The following MUSK variants were observed in gnomAD, a reference collection of about 807,000 sequenced individuals.
MUSK encodes the protein muscle, skeletal receptor tyrosine-protein kinase.
MUSK carries 55 observed loss-of-function variants against 88.7 expected under a neutral mutation model. The ratio of observed to expected loss-of-function variants is 0.62; its 90% CI spans 0.50 to 0.78. MUSK has a LOEUF of 0.78. MUSK is among the 30% of genes least tolerant of loss of function. The pLI, the probability that MUSK is intolerant of heterozygous loss-of-function variation, is 0.00. For synonymous variants in MUSK, 387 were observed against 391.9 expected (o/e 0.99, Z 0.15); for missense variants, 1,015 against 1,074.3 (o/e 0.94, Z 0.77).
Position 110,723,234 on chromosome 9 carries a change from T to TACACACACACACACAC in MUSK, c.629-11003_629-10988dup, listed in dbSNP as rs143582345. Among the ~76,000 whole-genome samples the TACACACACACACACAC allele has an allele frequency of 7.0e-3, 1,024 of 146,724 alleles. 4 individuals carry two copies. Among genetic ancestry groups the TACACACACACACACAC allele is most frequent in the Non-Finnish European group, 0.01 (701 of 66,772 alleles). On this transcript the variant is annotated intron_variant, in intron 5 of 14. Transcript: ENST00000374448. ...ACCATGGAATACTACTACATATACA[T>TACACACACACACACAC]ACACACACACACACACACACACACA...
At chr9:110,715,286 A>G (rs1158914418) in intron 5 of MUSK, among the ~76,000 whole-genome samples, 2 of 149,798 alleles carry the variant, frequency 1.3e-5, no homozygotes, top group Non-Finnish European at 2.9e-5. Context: ...TATATAAATC[A>G]TGTCATTTAA....
intron 1 of MUSK, among the ~76,000 whole-genome samples, chr9:110,675,240 G>A (rs967920591): frequency 1.4e-4 from 3 of 21,728 alleles, no homozygotes; most frequent in Non-Finnish European, 3.0e-4. Flanking sequence ...TTTTTTTTTT[G>A]AGACAGAGTC....
intron 7 of MUSK, among the ~76,000 whole-genome samples, chr9:110,752,243 C>T (rs541889310): frequency 3.3e-4 from 50 of 152,176 alleles, no homozygotes; most frequent in Non-Finnish European, 5.4e-4. Flanking sequence ...ATGAAGGTCC[C>T]TCTGGAATCA....
chr9:110,718,193 C>T (rs1381298781), intron 5 of MUSK, among the ~76,000 whole-genome samples: 2 of 151,976 alleles, frequency 1.3e-5, no homozygotes, highest in African/African-American at 4.8e-5. Context: ...GCTTGAGTGT[C>T]CCCACACTAT....
chr9:110,712,867 CA>C (rs146556510), intron 5 of MUSK, among the ~76,000 whole-genome samples: 3,847 of 152,176 alleles, frequency 0.025, 83 homozygotes, highest in Non-Finnish European at 0.039. Context: ...TGTTCAAATT[CA>C]GTGAGGAAGA....
chr9:110,733,057 T>C (rs147669164), intron 5 of MUSK, among the ~76,000 whole-genome samples: 1 of 152,228 alleles, frequency 6.6e-6, no homozygotes, highest in African/African-American at 2.4e-5. Context: ...TAGAATCCAA[T>C]ATTCACAAAT....
chr9:110,734,500 C>A, intron 6 of MUSK, 125 bp downstream of exon 6: 1 of 1,212,988 alleles, frequency 8.2e-7, no homozygotes, highest in Non-Finnish European at 1.2e-6. Context: ...CTTTTCAAAG[C>A]CTCCCAATAT....
chr9:110,740,051 CACA>C (rs1156727373), intron 6 of MUSK, among the ~76,000 whole-genome samples: 3 of 152,174 alleles, frequency 2.0e-5, no homozygotes, highest in Admixed American at 1.3e-4. Flanking sequence ...ATGCAAGCAT[CACA>C]ACAAGAAAAT....
chr9:110,739,151 T>C (rs1166091882), intron 6 of MUSK, among the ~76,000 whole-genome samples: 1 of 152,122 alleles, frequency 6.6e-6, no homozygotes, highest in African/African-American at 2.4e-5. Flanking sequence ...AAATTGCAAG[T>C]GTGTTAGAGT....
At chr9:110,706,453 C>T (rs1343307605) in intron 5 of MUSK, among the ~76,000 whole-genome samples, 1 of 152,048 alleles carries the variant, frequency 6.6e-6, no homozygotes, top group African/African-American at 2.4e-5. Context: ...TCACATTCTA[C>T]TTTAGGTATG....
intron 5 of MUSK, among the ~76,000 whole-genome samples, chr9:110,706,447 A>T (rs1282947503): frequency 6.6e-6 from 1 of 152,050 alleles, no homozygotes; most frequent in Non-Finnish European, 1.5e-5. Flanking sequence ...TCCACTTCAC[A>T]TTCTACTTTA....
chr9:110,748,009 C>T, intron 7 of MUSK: 1 of 707,710 alleles, frequency 1.4e-6, no homozygotes, highest in Non-Finnish European at 2.6e-6. Context: ...ATCCTCAATA[C>T]CTACCCAAGT....
At chr9:110,785,130 G>A (rs1398077343) in intron 12 of MUSK, 114 bp downstream of exon 12, 14 of 924,460 alleles carry the variant, frequency 1.5e-5, no homozygotes, top group Non-Finnish European at 1.1e-5. Flanking sequence ...AAATATATCC[G>A]TAGCCCTGCT....
At chr9:110,736,328 G>A (rs773761309) in intron 6 of MUSK, among the ~76,000 whole-genome samples, 2 of 152,020 alleles carry the variant, frequency 1.3e-5, no homozygotes, top group African/African-American at 4.8e-5. Context: ...TAGACCTCAG[G>A]AGGAAGATTA....
intron 7 of MUSK, among the ~76,000 whole-genome samples, chr9:110,755,951 C>CATATATATATACAT (rs1564268679): frequency 9.8e-6 from 1 of 101,792 alleles, no homozygotes; most frequent in East Asian, 3.1e-4. Flanking sequence ...TATATATATA[C>CATATATATATACAT]ACATATATAT....
chr9:110,773,522 T>C (rs1182972258), intron 9 of MUSK, among the ~76,000 whole-genome samples: 1 of 152,182 alleles, frequency 6.6e-6, no homozygotes, highest in Non-Finnish European at 1.5e-5. Flanking sequence ...TCATTGATAC[T>C]CATTGTCATT....
At chr9:110,777,869 A>G (rs993899472) in intron 11 of MUSK, among the ~76,000 whole-genome samples, 9 of 152,156 alleles carry the variant, frequency 5.9e-5, no homozygotes, top group African/African-American at 2.2e-4. Context: ...TCTTCGATAC[A>G]TGTAAGAAAA....
intron 5 of MUSK, 60 bp downstream of exon 5, chr9:110,697,526 A>G: frequency 6.5e-7 from 1 of 1,542,854 alleles, no homozygotes; most frequent in Non-Finnish European, 8.8e-7. Context: ...TCTACTGTGA[A>G]GGCTGCACCT....
chr9:110,671,671 T>TGCCATAACC (rs1467688708), intron 1 of MUSK, among the ~76,000 whole-genome samples: 1 of 152,212 alleles, frequency 6.6e-6, no homozygotes, highest in Non-Finnish European at 1.5e-5. Context: ...ATGAATTCAG[T>TGCCATAACC]GCCATAACCC....
Sources: gnomAD v4.1 joint callset for allele counts (sites outside exome capture counted in the v4.1 genomes callset) on GRCh38, gnomAD v4.1.1 for gene constraint, MANE v1.5 for transcripts, NCBI Gene and HGNC (gene_info 2026-07-23, HGNC 2026-07-21) for gene names.